The following SETBP1 variants were observed in gnomAD, a reference collection of about 807,000 sequenced individuals.
SETBP1 encodes SET binding protein 1.
A neutral mutation model predicts 101.0 loss-of-function variants in SETBP1; 9 were observed. The ratio of observed to expected loss-of-function variants is 0.09; its 90% CI spans 0.05 to 0.16. SETBP1 has a LOEUF of 0.16. SETBP1 is among the 10% of genes least tolerant of loss of function. The pLI is 1.00. For synonymous variants in SETBP1, 818 were observed against 788.5 expected (o/e 1.04, Z -0.63); for missense variants, 1,858 against 2,033.8 (o/e 0.91, Z 1.66).
intron 4 of SETBP1, among the ~76,000 whole-genome samples, chr18:44,981,460 CT>C (rs967648562): frequency 1.3e-5 from 2 of 152,354 alleles, no homozygotes; most frequent in Admixed American, 1.3e-4. Flanking sequence ...AGCAAACCTG[CT>C]TATTTATTTC....
chr18:44,705,757 C>T (rs1302353341), intron 2 of SETBP1, among the ~76,000 whole-genome samples: 3 of 152,124 alleles, frequency 2.0e-5, no homozygotes, highest in Non-Finnish European at 4.4e-5. Flanking sequence ...GGGATGAAGG[C>T]ATATATGTGT....
At chr18:45,028,913 C>A (rs1292239442) in intron 4 of SETBP1, among the ~76,000 whole-genome samples, 2 of 151,936 alleles carry the variant, frequency 1.3e-5, no homozygotes, top group Non-Finnish European at 2.9e-5. Flanking sequence ...GGATATTAGC[C>A]CTTTGTCAGA....
intron 1 of SETBP1, among the ~76,000 whole-genome samples, chr18:44,694,598 C>G (rs976314082): frequency 2.0e-5 from 3 of 152,218 alleles, no homozygotes; most frequent in Admixed American, 6.5e-5. Context: ...CCCATAGGCA[C>G]TAGCTTCATT....
intron 4 of SETBP1, among the ~76,000 whole-genome samples, chr18:45,032,519 T>C (rs555084040): frequency 6.6e-6 from 1 of 152,316 alleles, no homozygotes; most frequent in Non-Finnish European, 1.5e-5. Flanking sequence ...ATTTCCTTCA[T>C]TCATCTCTTC....
At chr18:44,904,293 C>A (rs1039224879) in intron 3 of SETBP1, among the ~76,000 whole-genome samples, 6 of 152,146 alleles carry the variant, frequency 3.9e-5, no homozygotes, top group African/African-American at 1.4e-4. Flanking sequence ...TACATACACA[C>A]AAAACATAAC....
chr18:44,764,335 G>C (rs113841848), intron 2 of SETBP1, among the ~76,000 whole-genome samples: 1 of 152,128 alleles, frequency 6.6e-6, no homozygotes, highest in Non-Finnish European at 1.5e-5. Flanking sequence ...GTATCCATTC[G>C]TTATCCATGA....
intron 4 of SETBP1, among the ~76,000 whole-genome samples, chr18:44,996,137 C>T (rs2072493405): frequency 6.6e-6 from 1 of 152,128 alleles, no homozygotes; most frequent in Non-Finnish European, 1.5e-5. Flanking sequence ...TTCCTCTCTC[C>T]CTCCCTCTTT....
chr18:45,004,504 C>G (rs1018584605), intron 4 of SETBP1, among the ~76,000 whole-genome samples: 1 of 152,192 alleles, frequency 6.6e-6, no homozygotes, highest in East Asian at 1.9e-4. Context: ...GTAGAAGAGT[C>G]TCTTCTGTTT....
chr18:44,926,674 G>C (rs1341857833), intron 3 of SETBP1, among the ~76,000 whole-genome samples: 1 of 152,148 alleles, frequency 6.6e-6, no homozygotes, highest in Non-Finnish European at 1.5e-5. Context: ...CTGAGAAGGG[G>C]CCTGCTTAAG....
At chr18:44,926,718 AC>A (rs2070712644) in intron 3 of SETBP1, among the ~76,000 whole-genome samples, 1 of 151,810 alleles carries the variant, frequency 6.6e-6, no homozygotes, top group African/African-American at 2.4e-5. Context: ...AAGCTGTCTA[AC>A]CAGAAATGCT....
chr18:44,836,414 G>A (rs929348063), intron 2 of SETBP1, among the ~76,000 whole-genome samples: 2 of 152,096 alleles, frequency 1.3e-5, no homozygotes, highest in Non-Finnish European at 2.9e-5. Context: ...GGAAAAACTG[G>A]AAGTGCCCTT....
At chr18:44,915,014 C>T (rs562253529) in intron 3 of SETBP1, among the ~76,000 whole-genome samples, 2 of 152,138 alleles carry the variant, frequency 1.3e-5, no homozygotes, top group Non-Finnish European at 2.9e-5. Flanking sequence ...GTTAATGGTT[C>T]AGGTTGCAAC....
At chr18:44,923,172 T>A (rs112086822) in intron 3 of SETBP1, among the ~76,000 whole-genome samples, 2 of 117,718 alleles carry the variant, frequency 1.7e-5, no homozygotes, top group African/African-American at 5.4e-5. Context: ...TGAGGAAACA[T>A]AGAGAGATGA....
intron 4 of SETBP1, among the ~76,000 whole-genome samples, chr18:44,990,175 A>G (rs2072335670): frequency 6.6e-6 from 1 of 152,186 alleles, no homozygotes; most frequent in Admixed American, 6.5e-5. Context: ...GACTCCACCT[A>G]AAGAGAGTTT....
chr18:44,722,969 C>A (rs1251031251), intron 2 of SETBP1, among the ~76,000 whole-genome samples: 1 of 152,172 alleles, frequency 6.6e-6, no homozygotes. Flanking sequence ...TTATTTTTAA[C>A]AGCACCAATA....
In SETBP1 at chr18:44,949,972, A is replaced by C; in HGVS notation, c.632A>C (p.Gln211Pro). ...GGTGACACCTTAAAACCAAAGCACCAGCAAAAAAGCAGCAGCCAGAACCAC... is the reference window on the plus strand; with the variant it reads ...GGTGACACCTTAAAACCAAAGCACCCGCAAAAAAGCAGCAGCCAGAACCAC... ...FTGDTLKPKHQQKSSSQNHMD... is the reference protein window; with the variant it reads ...FTGDTLKPKHPQKSSSQNHMD... The change falls in exon 4 of 6, where the codon CAG (glutamine) becomes CCG (proline). Residue 211 changes from glutamine to proline, a missense_variant. Physicochemically the swap from Gln to Pro is moderately conservative, Grantham distance 76. Around this residue, in one of 12 missense-constraint regions of SETBP1, gnomAD observed 581 missense variants for 535.1 expected, o/e 1.09. Coordinates refer to ENST00000649279, the MANE Select transcript of SETBP1 (RefSeq NM_015559.3). The C allele has an allele frequency of 4.3e-6, 7 of 1,614,188 alleles. No homozygotes were observed. The highest frequency in any genetic ancestry group is 5.9e-6 in the Non-Finnish European group (7 of 1,180,042).
At chr18:44,984,253 T>G (rs1440985456) in intron 4 of SETBP1, among the ~76,000 whole-genome samples, 2 of 152,164 alleles carry the variant, frequency 1.3e-5, no homozygotes, top group Non-Finnish European at 2.9e-5. Context: ...TGCTAGGGAC[T>G]GGTTTTGTGG....
intron 3 of SETBP1, among the ~76,000 whole-genome samples, chr18:44,934,836 C>T (rs887747655): frequency 2.0e-5 from 3 of 152,184 alleles, no homozygotes; most frequent in Non-Finnish European, 4.4e-5. Flanking sequence ...CTGCTGTACA[C>T]TCCTGCCCCA....
rs144369581 is a variant in SETBP1, at chr18:45,038,493, A to G, written c.4009A>G (p.Ser1337Gly). 2 of 1,614,136 alleles carry G rather than the reference A, an allele frequency of 1.2e-6. No homozygotes were observed. The highest frequency in any genetic ancestry group is 2.2e-5 in the South Asian group (2 of 91,078). The change falls in exon 5 of 6, where the codon AGT becomes GGT. Residue 1337 changes from serine (S) to glycine (G), a missense_variant. Around this residue, in one of 12 missense-constraint regions of SETBP1, gnomAD observed 417 missense variants for 389.1 expected, o/e 1.07. Transcript: ENST00000649279. ...GGGTTGTTATTTTTTAGGGATGCCA[A>G]GTCCCCACTTAAAAGTGGACCAGAC... is the stretch of plus-strand genomic sequence containing the variant. The part of the protein sequence containing the change: ...YDSSMSPGMP[S>G]PHLKVDQTAV...
Sources: allele counts gnomAD v4.1 joint callset (sites outside exome capture counted in the v4.1 genomes callset), GRCh38; gene constraint gnomAD v4.1.1; regional missense constraint gnomAD v4.1.1; transcripts MANE v1.5; gene names NCBI Gene and HGNC (gene_info 2026-07-23, HGNC 2026-07-21).